Variants in HDAC7 observed in about 807,000 individuals in gnomAD.
The protein encoded by HDAC7 is histone deacetylase 7.
A neutral mutation model predicts 115.5 loss-of-function variants in HDAC7; 26 were observed. That is an observed-to-expected ratio of 0.23 (90% CI 0.16 to 0.31). HDAC7 has a LOEUF of 0.31. Ranked by LOEUF, HDAC7 falls within the 10% of genes least tolerant of loss-of-function variation. The pLI, the probability that HDAC7 is intolerant of heterozygous loss-of-function variation, is 1.00. For synonymous variants in HDAC7, 564 were observed against 550.9 expected, an observed-to-expected ratio of 1.02 and a Z score of -0.33; for missense variants, 1,068 against 1,329.0, an observed-to-expected ratio of 0.80 and a Z score of 3.05.
At position 47,797,598 on chromosome 12, in the gene HDAC7, G is replaced by A. The variant is rs1473383322; in HGVS notation, c.462-99C>T. The A allele has an allele frequency of 6.0e-6, 5 of 826,806 alleles. No homozygotes were observed. The highest frequency in any genetic ancestry group is 2.6e-5 in the East Asian group (1 of 38,546). The allele number at this position is 826,806 out of a possible 1,614,324, so 51.2% of individuals were successfully genotyped here. On this transcript the variant is annotated intron_variant, in intron 5 of 25. Coordinates refer to ENST00000080059, the MANE Select transcript of HDAC7 (RefSeq NM_015401.5). The surrounding 1 kb of genome is among the most constrained non-coding windows in gnomAD (Gnocchi z 5.5). ...GGGACCTGAGGGGGAGGCTGCAGCGGGCAGGGCTGGGCAATGTGGGGCTGG... is the reference window on the plus strand; with the variant it reads ...GGGACCTGAGGGGGAGGCTGCAGCGAGCAGGGCTGGGCAATGTGGGGCTGG...
At chr12:47,804,689 T>G (rs1944317851) in intron 1 of HDAC7, among the ~76,000 whole-genome samples, 1 of 152,150 alleles carries the variant, frequency 6.6e-6, no homozygotes, top group Non-Finnish European at 1.5e-5. Context: ...ACAGTTTACT[T>G]GGCACTGGGG....
intron 1 of HDAC7, chr12:47,817,933 G>A (rs1944894163): frequency 6.6e-6 from 1 of 152,246 alleles, no homozygotes. Context: ...CATGCCAAGA[G>A]GCCACCAAGG....
At chr12:47,814,670 T>C (rs1592071785) in intron 1 of HDAC7, among the ~76,000 whole-genome samples, 1 of 152,216 alleles carries the variant, frequency 6.6e-6, no homozygotes, top group East Asian at 1.9e-4. Context: ...ACTGCCATCT[T>C]CCATGCCAAG....
At chr12:47,805,322 G>A (rs956734223) in intron 1 of HDAC7, among the ~76,000 whole-genome samples, 4 of 151,792 alleles carry the variant, frequency 2.6e-5, no homozygotes, top group African/African-American at 9.7e-5. Context: ...GGGCTCAAGC[G>A]ATCCTCCCCG....
At chr12:47,792,645 G>C in intron 13 of HDAC7, 1 of 455,956 alleles carries the variant, frequency 2.2e-6, no homozygotes, top group South Asian at 1.5e-5. Context: ...ATGTGACCCA[G>C]GAATGCTACT....
At chr12:47,799,558 C>T (rs1440740460) in intron 2 of HDAC7, among the ~76,000 whole-genome samples, 1 of 152,240 alleles carries the variant, frequency 6.6e-6, no homozygotes, top group Non-Finnish European at 1.5e-5. Context: ...CCTGACCGGC[C>T]ACGTTGGGCC....
chr12:47,798,205 T>C lies in HDAC7; in HGVS notation c.364A>G (p.Ser122Gly). The C allele has an allele frequency of 6.2e-7, 1 of 1,613,636 alleles. No homozygotes were observed. The highest frequency in any genetic ancestry group is 8.5e-7 in the Non-Finnish European group (1 of 1,179,774). ...DKSKRSAVAS[S>G]VVKQKLAEVI... is the part of the protein sequence containing the mutation. ...TCCGCTAGCTTCTGCTTGACCACGC[T>C]GCTGGCTACAGCACCTGTAGGGGCA... is the stretch of plus-strand genomic sequence containing the variant. Residue 122 changes from serine (S) to glycine (G), a missense_variant, in exon 5 of 26, where the codon AGC (serine) becomes GGC (glycine). By Grantham distance (56) the Ser-to-Gly change is moderately conservative. Coordinates refer to ENST00000080059, the MANE Select transcript of HDAC7 (RefSeq NM_015401.5). The surrounding 1 kb of genome is among the most constrained non-coding windows in gnomAD (Gnocchi z 4.3).
chr12:47,791,478 G>T, intron 15 of HDAC7, 108 bp downstream of exon 15: 1 of 1,455,942 alleles, frequency 6.9e-7, no homozygotes, highest in Non-Finnish European at 9.3e-7. Flanking sequence ...GAGTAGGGAC[G>T]TCCAGGGTGC....
In HDAC7 at chr12:47,783,628, C is replaced by A; in HGVS notation, c.*213G>T. The stretch of plus-strand genomic sequence containing the variant: ...GAGCCCTGTGGGGGTCGCCGCCCAG[C>A]CCGTCTCCTCTCAGGGTCCTCTCCA... On this transcript the variant is annotated 3_prime_UTR_variant, in exon 26 of 26. Coordinates refer to ENST00000080059, the MANE Select transcript of HDAC7 (RefSeq NM_015401.5). 1.7e-6 allele frequency: 1 copy of A among 600,590 alleles called. No homozygotes were observed. Among genetic ancestry groups the A allele is most frequent in the Non-Finnish European group, 3.0e-6 (1 of 334,504 alleles). The allele number at this position is 600,590 out of a possible 1,614,324, so 37.2% of individuals were successfully genotyped here.
At position 47,795,422 on chromosome 12, in the gene HDAC7, G is replaced by A; in HGVS notation, c.1088-42C>T. 6.5e-7 allele frequency: 1 copy of A among 1,526,722 alleles called. No individual in the cohort carries two copies. 94.6% of individuals were successfully genotyped at this position (1,526,722 alleles called of 1,614,324 possible). ...GGTGGAATAAGGAGGGAACCACAGG[G>A]AGCAATGGAAGGAAGCGAGGGTATA... is the stretch of plus-strand genomic sequence containing the variant. On this transcript the variant is annotated intron_variant, in intron 10 of 25. Transcript: ENST00000080059. This position sits in a 1 kb window ranked among gnomAD's most constrained non-coding sequence, Gnocchi z 4.3.
intron 22 of HDAC7, chr12:47,786,096 G>C: frequency 1.8e-6 from 1 of 542,104 alleles, no homozygotes. Flanking sequence ...CCTTGGGAAA[G>C]GCCCCACAGC....
In HDAC7 at chr12:47,797,582, G is replaced by T. The variant is rs1255669705; in HGVS notation, c.462-83C>A. 9.7e-7 allele frequency: 1 copy of T among 1,027,438 alleles called. No homozygotes were observed. Among genetic ancestry groups the T allele is most frequent in the Non-Finnish European group, 1.4e-6 (1 of 693,812 alleles). 63.6% of individuals were successfully genotyped at this position (1,027,438 alleles called of 1,614,324 possible). ...CCTGAGCACGGGCCCTGGGACCTGA[G>T]GGGGAGGCTGCAGCGGGCAGGGCTG... is the stretch of plus-strand genomic sequence containing the variant. On this transcript the variant is annotated intron_variant, in intron 5 of 25. Coordinates refer to ENST00000080059, the MANE Select transcript of HDAC7 (RefSeq NM_015401.5). This position sits in a 1 kb window ranked among gnomAD's most constrained non-coding sequence, Gnocchi z 5.5.
Position 47,795,536 on chromosome 12 carries a change from T to C in HDAC7, c.1087+51A>G. ...GATGGGTCCATCCCAAGCTTGGCTC[T>C]TAGCAGGGTGCAGGGACCCAGCCCC... is the stretch of plus-strand genomic sequence containing the variant. On this transcript the variant is annotated intron_variant, in intron 10 of 25. Coordinates refer to ENST00000080059, the MANE Select transcript of HDAC7 (RefSeq NM_015401.5). The surrounding 1 kb of genome is among the most constrained non-coding windows in gnomAD (Gnocchi z 4.3). The C allele has an allele frequency of 2.0e-6, 3 of 1,532,878 alleles. No homozygotes were observed. The highest frequency in any genetic ancestry group is 2.6e-6 in the Non-Finnish European group (3 of 1,134,864). 95.0% of individuals were successfully genotyped at this position (1,532,878 alleles called of 1,614,324 possible).
At position 47,797,856 on chromosome 12, in the gene HDAC7, GT is replaced by G. The variant is rs1159953797; in HGVS notation, c.461+251del. Reference sequence around the variant, plus strand: ...CATGTGCAAGAAAAAAGCCAGTAGGGTGTGTGTGTGTGTGTGTGTGTGTGTG... The same window carrying G: ...CATGTGCAAGAAAAAAGCCAGTAGGGGTGTGTGTGTGTGTGTGTGTGTGTG... On this transcript the variant is annotated intron_variant, in intron 5 of 25. Transcript: ENST00000080059. This position sits in a 1 kb window ranked among gnomAD's most constrained non-coding sequence, Gnocchi z 5.5. Among the ~76,000 whole-genome samples, 33 of 21,980 alleles carry G rather than the reference GT, an allele frequency of 1.5e-3. No individual in the cohort carries two copies. Among genetic ancestry groups the G allele is most frequent in the African/African-American group, 5.3e-3 (26 of 4,864 alleles). The allele number at this position is 21,980 out of a possible 152,430, so 14.4% of individuals were successfully genotyped here. A position where few individuals can be genotyped will look rare whatever the true frequency, so the allele number is the denominator to read the frequency against.
At chr12:47,816,149 C>T (rs1026943071) in intron 1 of HDAC7, among the ~76,000 whole-genome samples, 1 of 152,116 alleles carries the variant, frequency 6.6e-6, no homozygotes, top group Non-Finnish European at 1.5e-5. Flanking sequence ...GCCTCGGCCT[C>T]CCAAAGTGCT....
intron 16 of HDAC7, chr12:47,790,536 G>GA (rs1265599550): frequency 2.6e-5 from 4 of 155,674 alleles, no homozygotes. Context: ...ACAACAGTTG[G>GA]AAAAACCAGA....
In HDAC7 at chr12:47,783,716, C is replaced by CTG; in HGVS notation, c.*123_*124dup. 1 of 923,420 alleles carries CTG rather than the reference C, an allele frequency of 1.1e-6. No individual in the cohort carries two copies. Among genetic ancestry groups the CTG allele is most frequent in the South Asian group, 1.4e-5 (1 of 70,272 alleles). The allele number at this position is 923,420 out of a possible 1,614,324, so 57.2% of individuals were successfully genotyped here. On this transcript the variant is annotated 3_prime_UTR_variant, in exon 26 of 26. Coordinates refer to ENST00000080059, the MANE Select transcript of HDAC7 (RefSeq NM_015401.5). ...TGGGATAACTGTCAAAGCAGGCAGGCTGTTCTCTGGTTCCAACTACTTGCC... is the reference window on the plus strand; with the variant it reads ...TGGGATAACTGTCAAAGCAGGCAGGCTGTGTTCTCTGGTTCCAACTACTTGCC...
At position 47,797,966 on chromosome 12, in the gene HDAC7, G is replaced by A. The variant is rs570237206; in HGVS notation, c.461+142C>T. 4.9e-5 allele frequency: 35 copies of A among 711,586 alleles called. No homozygotes were observed. In the East Asian group the frequency reaches 7.9e-4, roughly 16 times the overall value. The allele number at this position is 711,586 out of a possible 1,614,324, so 44.1% of individuals were successfully genotyped here. A position where few individuals can be genotyped will look rare whatever the true frequency, so the allele number is the denominator to read the frequency against. On this transcript the variant is annotated intron_variant, in intron 5 of 25. Transcript: ENST00000080059. The surrounding 1 kb of genome is among the most constrained non-coding windows in gnomAD (Gnocchi z 5.5). ...AGGTATCAGTTGAGAGAGGGGCTCG[G>A]GGGCATTATGTTTAGAGGAAGGGTA...
At chr12:47,788,963 A>G (rs1173149225) in intron 19 of HDAC7, 1 of 398,226 alleles carries the variant, frequency 2.5e-6, no homozygotes, top group Admixed American at 4.1e-5. Context: ...TGTACAGGAA[A>G]TGCAGAAATT....
Sources: allele counts gnomAD v4.1 joint callset (sites outside exome capture counted in the v4.1 genomes callset), GRCh38; gene constraint gnomAD v4.1.1; non-coding constraint Gnocchi (gnomAD v3.1); transcripts MANE v1.5; gene names NCBI Gene and HGNC (gene_info 2026-07-23, HGNC 2026-07-21).